The following SLC39A14 variants were observed in gnomAD, a reference collection of about 807,000 sequenced individuals.
SLC39A14 encodes the protein metal cation symporter ZIP14.
A neutral mutation model predicts 45.5 loss-of-function variants in SLC39A14; 19 were observed. The observed-to-expected ratio is 0.42, with a 90% CI of 0.29 to 0.61. The LOEUF (loss-of-function observed/expected upper bound fraction) is 0.61, where lower values mean the gene tolerates loss of function less well. SLC39A14 is among the 20% of genes least tolerant of loss of function. The pLI is 0.22. For synonymous variants in SLC39A14, 264 were observed against 251.3 expected, an observed-to-expected ratio of 1.05 and a Z score of -0.48; for missense variants, 447 against 616.5, an observed-to-expected ratio of 0.73 and a Z score of 2.91.
intron 1 of SLC39A14, among the ~76,000 whole-genome samples, chr8:22,397,537 C>T (rs370880908): frequency 1.3e-5 from 2 of 151,906 alleles, no homozygotes; most frequent in Non-Finnish European, 2.9e-5. Context: ...GAGATAGCGC[C>T]GCTGCACTCC....
At chr8:22,373,135 CGCCT>C (rs1833024434) in intron 1 of SLC39A14, among the ~76,000 whole-genome samples, 1 of 151,610 alleles carries the variant, frequency 6.6e-6, no homozygotes, top group Non-Finnish European at 1.5e-5. Flanking sequence ...TGGTGGTGCA[CGCCT>C]GTAGTCCCAG....
chr8:22,431,024 G>A (rs1388018696), intron 8 of SLC39A14, among the ~76,000 whole-genome samples: 1 of 143,476 alleles, frequency 7.0e-6, no homozygotes, highest in Non-Finnish European at 1.5e-5. Flanking sequence ...GTCTCCCTCT[G>A]TTGCCCAGGC....
chr8:22,417,383 G>A (rs1835950340), intron 7 of SLC39A14, among the ~76,000 whole-genome samples: 1 of 152,176 alleles, frequency 6.6e-6, no homozygotes, highest in Non-Finnish European at 1.5e-5. Flanking sequence ...AAGTTCAAGG[G>A]CCTGTCTTGT....
intron 8 of SLC39A14, among the ~76,000 whole-genome samples, chr8:22,419,215 C>T (rs576348446): frequency 6.6e-5 from 10 of 152,142 alleles, no homozygotes; most frequent in Admixed American, 2.6e-4. Flanking sequence ...GATGGAGTCT[C>T]GCTCTGTTGC....
chr8:22,381,872 G>A (rs1280212577), intron 1 of SLC39A14, among the ~76,000 whole-genome samples: 1 of 152,170 alleles, frequency 6.6e-6, no homozygotes, highest in Non-Finnish European at 1.5e-5. Context: ...TGGGTGCAGT[G>A]GCTTATGTCT....
chr8:22,418,482 T>C (rs1483500762), intron 8 of SLC39A14, among the ~76,000 whole-genome samples: 3 of 152,030 alleles, frequency 2.0e-5, no homozygotes, highest in African/African-American at 7.2e-5. Context: ...AAAACAATAA[T>C]AGCAATACTT....
intron 1 of SLC39A14, among the ~76,000 whole-genome samples, chr8:22,391,408 G>A (rs951755690): frequency 1.3e-5 from 2 of 152,128 alleles, no homozygotes; most frequent in Non-Finnish European, 2.9e-5. Context: ...CTAGCTTTTA[G>A]TTCAATTAAT....
At chr8:22,383,825 C>T (rs1439698909) in intron 1 of SLC39A14, among the ~76,000 whole-genome samples, 1 of 152,200 alleles carries the variant, frequency 6.6e-6, no homozygotes, top group Non-Finnish European at 1.5e-5. Flanking sequence ...GACCGTTTCT[C>T]CAGGGCTGGC....
intron 1 of SLC39A14, among the ~76,000 whole-genome samples, chr8:22,380,417 G>A (rs1833443147): frequency 6.6e-6 from 1 of 152,170 alleles, no homozygotes; most frequent in Admixed American, 6.5e-5. Context: ...GCCAGTTCCT[G>A]GGGCTAGAAA....
intron 8 of SLC39A14, among the ~76,000 whole-genome samples, chr8:22,428,519 T>TCAA (rs965608362): frequency 6.9e-6 from 1 of 145,708 alleles, no homozygotes; most frequent in African/African-American, 2.5e-5. Context: ...CTCAGCTCAC[T>TCAA]GCAACCTCTG....
chr8:22,407,431 G>T (rs1835289735), intron 2 of SLC39A14, among the ~76,000 whole-genome samples: 1 of 151,954 alleles, frequency 6.6e-6, no homozygotes, highest in Non-Finnish European at 1.5e-5. Flanking sequence ...CGCGATCTCG[G>T]CTCGCTGCAA....
chr8:22,422,806 T>G (rs114115120), downstream of SLC39A14: 824 of 685,372 alleles, frequency 1.2e-3, 5 homozygotes, highest in African/African-American at 0.017. Flanking sequence ...AACATTTGAC[T>G]GGGATTTTAG....
At position 22,422,348 on chromosome 8, in the gene SLC39A14, C is replaced by G. The variant is rs186457077; in HGVS notation, c.*2650C>G. 1.7e-5 allele frequency: 17 copies of G among 985,816 alleles called. No homozygotes were observed. In the African/African-American group the frequency reaches 2.8e-4, roughly 16 times the overall value. The allele number at this position is 985,816 out of a possible 1,614,324, so 61.1% of individuals were successfully genotyped here. A position where few individuals can be genotyped will look rare whatever the true frequency, so the allele number is the denominator to read the frequency against. ...CCCAAAGGTATTTTGTGTCTAGTGT[C>G]AAATTGGAGCTATTCTTCACTGGTC... On this transcript the variant is annotated 3_prime_UTR_variant, in exon 9 of 9. Transcript: ENST00000381237.
intron 8 of SLC39A14, among the ~76,000 whole-genome samples, chr8:22,418,865 A>C (rs1019463456): frequency 6.6e-6 from 1 of 152,044 alleles, no homozygotes. Flanking sequence ...GACCTCTTAA[A>C]GTGTTTAAAG....
chr8:22,385,587 A>T (rs537300811), intron 1 of SLC39A14, among the ~76,000 whole-genome samples: 1 of 152,288 alleles, frequency 6.6e-6, no homozygotes, highest in East Asian at 1.9e-4. Flanking sequence ...AAGGGATGGG[A>T]AGAAGGGCCT....
At chr8:22,402,730 C>G (rs1834949223) in intron 1 of SLC39A14, among the ~76,000 whole-genome samples, 1 of 147,840 alleles carries the variant, frequency 6.8e-6, no homozygotes, top group Admixed American at 6.8e-5. Context: ...GATGGCGCCA[C>G]TGCACTCCAG....
downstream of SLC39A14, among the ~76,000 whole-genome samples, chr8:22,423,755 C>T (rs1234781862): frequency 8.5e-6 from 1 of 117,684 alleles, no homozygotes; most frequent in Non-Finnish European, 1.9e-5. Flanking sequence ...GCATGAGCCA[C>T]CGCGCCTGGC....
At chr8:22,368,345 A>T (rs1254321404) in intron 1 of SLC39A14, among the ~76,000 whole-genome samples, 2 of 151,958 alleles carry the variant, frequency 1.3e-5, no homozygotes. Context: ...GCTCCTGCTG[A>T]GGAGTGGCCT....
chr8:22,415,468 A>C, intron 5 of SLC39A14: 1 of 314,898 alleles, frequency 3.2e-6, no homozygotes. Context: ...AGATTTATAT[A>C]TATAGATATT....
Sources: gnomAD v4.1 joint callset for allele counts (sites outside exome capture counted in the v4.1 genomes callset) on GRCh38, gnomAD v4.1.1 for gene constraint, MANE v1.5 for transcripts, NCBI Gene and HGNC (gene_info 2026-07-23, HGNC 2026-07-21) for gene names.